The following VAV3 variants were observed in gnomAD, a reference collection of about 807,000 sequenced individuals.
VAV3 encodes guanine nucleotide exchange factor VAV3.
In VAV3, 94 loss-of-function variants were observed where a neutral mutation model predicts 131.2. That is an observed-to-expected ratio of 0.72 (90% CI 0.61 to 0.85). VAV3 has a LOEUF of 0.85. Ranked by LOEUF, VAV3 falls within the 40% of genes least tolerant of loss-of-function variation. VAV3 has a pLI of 0.00. For missense variants in VAV3, 939 were observed against 1,002.7 expected, an observed-to-expected ratio of 0.94 and a Z score of 0.86; for synonymous variants, 349 against 342.0, an observed-to-expected ratio of 1.02 and a Z score of -0.22.
intron 2 of VAV3, chr1:107,862,687 T>G (rs549410892): frequency 6.6e-6 from 1 of 151,680 alleles, no homozygotes; most frequent in East Asian, 1.9e-4. Context: ...ATCTTACCCT[T>G]AAGCCAATGT....
At chr1:107,792,553 C>T (rs1202229201) in intron 2 of VAV3, among the ~76,000 whole-genome samples, 1 of 152,102 alleles carries the variant, frequency 6.6e-6, no homozygotes, top group East Asian at 1.9e-4. Flanking sequence ...TGGGAAGGCC[C>T]ATTACATAAT....
At chr1:107,812,663 A>T (rs189941826) in intron 2 of VAV3, among the ~76,000 whole-genome samples, 267 of 152,308 alleles carry the variant, frequency 1.8e-3, no homozygotes, top group Non-Finnish European at 3.0e-3. Flanking sequence ...ACCTACTAGA[A>T]ATCTACATCC....
chr1:107,831,160 TG>T (rs1434609727), intron 2 of VAV3, among the ~76,000 whole-genome samples: 6 of 152,160 alleles, frequency 3.9e-5, no homozygotes, highest in African/African-American at 1.4e-4. Flanking sequence ...TTTCGGGTTT[TG>T]TGAGTTTAAA....
chr1:107,664,706 T>A (rs965239406), intron 19 of VAV3, among the ~76,000 whole-genome samples: 2 of 151,622 alleles, frequency 1.3e-5, no homozygotes, highest in East Asian at 3.9e-4. Flanking sequence ...CCCAGACCAT[T>A]AAAAAAAATA....
intron 1 of VAV3, among the ~76,000 whole-genome samples, chr1:107,928,307 A>T (rs1269895768): frequency 6.6e-6 from 1 of 152,208 alleles, no homozygotes. Flanking sequence ...AAACAAGCCC[A>T]TACTGTGAAG....
intron 20 of VAV3, among the ~76,000 whole-genome samples, chr1:107,623,353 T>C (rs1653747471): frequency 6.6e-6 from 1 of 152,248 alleles, no homozygotes; most frequent in African/African-American, 2.4e-5. Flanking sequence ...ATATTGTTTC[T>C]TGATTATTGT....
chr1:107,610,002 A>G (rs1409414307), intron 21 of VAV3, 37 bp from the exon 22 acceptor site: 2 of 1,600,018 alleles, frequency 1.2e-6, no homozygotes, highest in Non-Finnish European at 1.7e-6. Context: ...TTAAGTTTAC[A>G]TAAGGGAAGC....
intron 1 of VAV3, among the ~76,000 whole-genome samples, chr1:107,924,748 T>C (rs893276619): frequency 2.6e-5 from 4 of 152,088 alleles, no homozygotes; most frequent in East Asian, 1.9e-4. Flanking sequence ...ACAGACACCA[T>C]TGGGGGAAAA....
chr1:107,870,939 C>T (rs1277376025), intron 2 of VAV3, among the ~76,000 whole-genome samples: 6 of 152,110 alleles, frequency 3.9e-5, no homozygotes, highest in Admixed American at 2.6e-4. Flanking sequence ...ACAGTGGCAG[C>T]CTGACTTCTA....
At chr1:107,801,160 T>G (rs1371964204) in intron 2 of VAV3, among the ~76,000 whole-genome samples, 2 of 152,132 alleles carry the variant, frequency 1.3e-5, no homozygotes, top group South Asian at 2.1e-4. Flanking sequence ...TGGTCTATTC[T>G]GTTCCATTGG....
chr1:107,797,841 AG>A (rs1172029715), intron 2 of VAV3, among the ~76,000 whole-genome samples: 1 of 152,206 alleles, frequency 6.6e-6, no homozygotes, highest in African/African-American at 2.4e-5. Flanking sequence ...TACCACCTGG[AG>A]GATTTGTTAA....
chr1:107,710,431 A>G (rs1008765112), intron 15 of VAV3, among the ~76,000 whole-genome samples: 1 of 152,216 alleles, frequency 6.6e-6, no homozygotes, highest in Non-Finnish European at 1.5e-5. Flanking sequence ...ATAAAAATGT[A>G]TTCACACACA....
intron 25 of VAV3, chr1:107,576,332 A>G (rs1649648980): frequency 1.2e-5 from 17 of 1,410,606 alleles, no homozygotes; most frequent in Non-Finnish European, 1.5e-5. Flanking sequence ...ATGGAACTCA[A>G]ATATTTTATT....
chr1:107,875,119 A>AGAT, intron 1 of VAV3, 102 bp from the exon 2 acceptor site: 1 of 1,033,470 alleles, frequency 9.7e-7, no homozygotes, highest in East Asian at 2.4e-5. Context: ...AGAAAGCATC[A>AGAT]AGCAGCCTTT....
At chr1:107,796,801 A>AT (rs199663196) in intron 2 of VAV3, among the ~76,000 whole-genome samples, 28,250 of 131,908 alleles carry the variant, frequency 0.21, 2,807 homozygotes, top group Non-Finnish European at 0.25. Context: ...AAAAAAAAAA[A>AT]AAAATATATA....
chr1:107,794,633 G>A (rs1211237305), intron 2 of VAV3, among the ~76,000 whole-genome samples: 1 of 152,070 alleles, frequency 6.6e-6, no homozygotes, highest in Admixed American at 6.6e-5. Context: ...ACTGCTTTAG[G>A]ACTCTGTTAC....
chr1:107,679,833 T>C (rs571872090), intron 19 of VAV3, among the ~76,000 whole-genome samples: 92 of 152,306 alleles, frequency 6.0e-4, no homozygotes, highest in African/African-American at 2.1e-3. Context: ...CTGTTACAAG[T>C]GTTATTTTCC....
intron 15 of VAV3, among the ~76,000 whole-genome samples, chr1:107,709,998 GTAGT>G (rs1403594882): frequency 4.6e-5 from 7 of 152,176 alleles, no homozygotes; most frequent in African/African-American, 9.6e-5. Context: ...GTATGACAGT[GTAGT>G]TAGTAATACA....
intron 25 of VAV3, among the ~76,000 whole-genome samples, chr1:107,579,310 G>A (rs1649868936): frequency 6.6e-6 from 1 of 152,188 alleles, no homozygotes; most frequent in Non-Finnish European, 1.5e-5. Context: ...CTGAATTTCA[G>A]ACTATGGCTT....
Sources: allele counts gnomAD v4.1 joint callset (sites outside exome capture counted in the v4.1 genomes callset), GRCh38; gene constraint gnomAD v4.1.1; transcripts MANE v1.5; gene names NCBI Gene and HGNC (gene_info 2026-07-23, HGNC 2026-07-21).